Variants in CIT observed in about 807,000 individuals in gnomAD.
CIT encodes the protein citron Rho-interacting kinase.
CIT carries 79 observed loss-of-function variants against 272.7 expected under a neutral mutation model. That is an observed-to-expected ratio of 0.29 (90% CI 0.24 to 0.35). CIT has a LOEUF of 0.35. Ranked by LOEUF, CIT falls within the 10% of genes least tolerant of loss-of-function variation. The pLI is 1.00. For missense variants in CIT, 1,909 were observed against 2,618.3 expected, an observed-to-expected ratio of 0.73 and a Z score of 5.91; for synonymous variants, 948 against 995.6, an observed-to-expected ratio of 0.95 and a Z score of 0.90.
At chr12:119,847,773 C>A (rs1969919898) in intron 5 of CIT, among the ~76,000 whole-genome samples, 1 of 152,020 alleles carries the variant, frequency 6.6e-6, no homozygotes, top group Non-Finnish European at 1.5e-5. Flanking sequence ...CACCTGTAAT[C>A]CCAGCTACTC....
chr12:119,695,838 T>C (rs1956197984), intron 46 of CIT, among the ~76,000 whole-genome samples: 1 of 152,202 alleles, frequency 6.6e-6, no homozygotes, highest in Admixed American at 6.5e-5. Context: ...CATCCTGTTG[T>C]ACACTTTAAA....
chr12:119,770,517 T>C lies in CIT; in HGVS notation c.2208+268A>G, dbSNP rs1293333677. On this transcript the variant is annotated intron_variant, in intron 18 of 47. Transcript: ENST00000392521. This position sits in a 1 kb window ranked among gnomAD's most constrained non-coding sequence, Gnocchi z 4.4. ...TTAAAAATGTATTGAAAATGATAGA[T>C]GCACGTTCCACTAAAAAAAAAAAAA... Among the ~76,000 whole-genome samples, 6 of 111,304 alleles carry C rather than the reference T, an allele frequency of 5.4e-5. No individual in the cohort carries two copies. In the Admixed American group the frequency reaches 6.2e-4, roughly 12 times the overall value. 73.0% of individuals were successfully genotyped at this position (111,304 alleles called of 152,430 possible).
intron 20 of CIT, among the ~76,000 whole-genome samples, chr12:119,759,203 C>T (rs1386760439): frequency 2.6e-5 from 4 of 152,214 alleles, no homozygotes; most frequent in African/African-American, 4.8e-5. Flanking sequence ...TGAACCAGGC[C>T]GCACAGCAGG....
chr12:119,816,136 A>G (rs1967162974), intron 9 of CIT, among the ~76,000 whole-genome samples: 3 of 152,208 alleles, frequency 2.0e-5, no homozygotes, highest in Non-Finnish European at 2.9e-5. Flanking sequence ...CTAGGCACTC[A>G]ATAAATGGCA....
At chr12:119,825,092 G>T in intron 8 of CIT, 73 bp downstream of exon 8, 2 of 1,378,390 alleles carry the variant, frequency 1.5e-6, no homozygotes, top group Non-Finnish European at 2.0e-6. Context: ...GAGCCACCAC[G>T]CCCAGCCTCA....
At chr12:119,717,966 G>A (rs1414381253) in intron 32 of CIT, among the ~76,000 whole-genome samples, 2 of 149,868 alleles carry the variant, frequency 1.3e-5, no homozygotes, top group East Asian at 2.0e-4. Flanking sequence ...TCAGCCTCCC[G>A]AGTAGCTAGG....
At chr12:119,806,161 A>AAAG (rs1966596724) in intron 9 of CIT, among the ~76,000 whole-genome samples, 1 of 141,406 alleles carries the variant, frequency 7.1e-6, no homozygotes. Context: ...AAAAAAAAAA[A>AAAG]GGAAAGAGAA....
chr12:119,835,731 G>C (rs1165003247), intron 5 of CIT, among the ~76,000 whole-genome samples: 4 of 152,110 alleles, frequency 2.6e-5, no homozygotes, highest in Non-Finnish European at 5.9e-5. Flanking sequence ...CTCTAGACAA[G>C]TCAGAAGTAG....
intron 10 of CIT, among the ~76,000 whole-genome samples, chr12:119,789,616 G>A (rs804717): frequency 0.45 from 67,903 of 152,052 alleles, 15,682 homozygotes; most frequent in Admixed American, 0.56. Flanking sequence ...TTCTCAGTAT[G>A]TATTTCTTGA....
At chr12:119,863,793 G>T (rs1458797420) in intron 3 of CIT, among the ~76,000 whole-genome samples, 1 of 150,636 alleles carries the variant, frequency 6.6e-6, no homozygotes, top group Non-Finnish European at 1.5e-5. Context: ...GCCTCCCAAA[G>T]TGCTAGGATT....
intron 21 of CIT, 25 bp downstream of exon 21, chr12:119,758,566 G>C (rs1261099756): frequency 1.4e-6 from 2 of 1,407,582 alleles, no homozygotes; most frequent in African/African-American, 2.8e-5. Context: ...TAATAATGTA[G>C]GGCAGTTAGA....
chr12:119,866,590 G>A (rs1168639287), intron 3 of CIT, among the ~76,000 whole-genome samples: 1 of 151,982 alleles, frequency 6.6e-6, no homozygotes, highest in Non-Finnish European at 1.5e-5. Flanking sequence ...AGGCCAAGGT[G>A]GGAGGATTTC....
At chr12:119,707,800 A>C (rs1201118572) in intron 40 of CIT, among the ~76,000 whole-genome samples, 2 of 152,166 alleles carry the variant, frequency 1.3e-5, no homozygotes, top group Non-Finnish European at 2.9e-5. Flanking sequence ...GCGCCCGGCC[A>C]GGCCATTGCA....
At chr12:119,803,444 T>TTCA in intron 9 of CIT, 55 bp from the exon 10 acceptor site, 2 of 1,280,030 alleles carry the variant, frequency 1.6e-6, no homozygotes, top group South Asian at 2.9e-5. Flanking sequence ...TTCAGCCGGA[T>TTCA]TCAACACTGT....
chr12:119,815,087 C>A (rs1161791616), intron 9 of CIT, among the ~76,000 whole-genome samples: 1 of 103,038 alleles, frequency 9.7e-6, no homozygotes, highest in East Asian at 3.3e-4. Flanking sequence ...TGCTCACATA[C>A]CACACACACA....
At chr12:119,836,291 A>T (rs1347052134) in intron 5 of CIT, among the ~76,000 whole-genome samples, 1 of 137,052 alleles carries the variant, frequency 7.3e-6, no homozygotes, top group Non-Finnish European at 1.5e-5. Flanking sequence ...ATCTAAAAAA[A>T]AAAAAAAAAA....
At chr12:119,814,188 A>G (rs1435901282) in intron 9 of CIT, among the ~76,000 whole-genome samples, 2 of 152,202 alleles carry the variant, frequency 1.3e-5, no homozygotes, top group African/African-American at 4.8e-5. Context: ...AGAATATTAC[A>G]TATTTTTGAC....
In CIT at chr12:119,690,418, C is replaced by T. The variant is rs777088999; in HGVS notation, c.5919G>A (p.Glu1973=). The T allele has an allele frequency of 1.9e-5, 30 of 1,595,896 alleles. No individual in the cohort carries two copies. The highest frequency in any genetic ancestry group is 1.7e-4 in the Middle Eastern group (1 of 6,042). The change falls in exon 47 of 48, where the codon GAG becomes GAA. Residue 1973 remains glutamate, a synonymous_variant. Coordinates refer to ENST00000392521, the MANE Select transcript of CIT (RefSeq NM_001206999.2). The surrounding 1 kb of genome is among the most constrained non-coding windows in gnomAD (Gnocchi z 6.0). ...TGGAGGCCACGCGCTTGGTGATGTG[C>T]TCGTTGTACGTGGGTGGGCCTCGCT... ...PNKRGPPTYN[E]HITKRVASSP... is the part of the protein sequence containing the mutation.
At chr12:119,808,724 C>T (rs1173704675) in intron 9 of CIT, among the ~76,000 whole-genome samples, 8 of 152,184 alleles carry the variant, frequency 5.3e-5, no homozygotes, top group Middle Eastern at 3.2e-3. Flanking sequence ...ACCAAAAACA[C>T]GTTCAACTTC....
Sources: allele counts gnomAD v4.1 joint callset (sites outside exome capture counted in the v4.1 genomes callset), GRCh38; gene constraint gnomAD v4.1.1; non-coding constraint Gnocchi (gnomAD v3.1); transcripts MANE v1.5; gene names NCBI Gene and HGNC (gene_info 2026-07-23, HGNC 2026-07-21).